The following PRKD1 variants were observed in gnomAD, a reference collection of about 807,000 sequenced individuals.
PRKD1 encodes serine/threonine-protein kinase D1.
In PRKD1, 63 loss-of-function variants were observed where a neutral mutation model predicts 95.9. The ratio of observed to expected loss-of-function variants is 0.66; its 90% CI spans 0.54 to 0.81. PRKD1 has a LOEUF of 0.81. PRKD1 is among the 30% of genes least tolerant of loss of function. PRKD1 has a pLI of 0.00. For missense variants in PRKD1, 1,048 were observed against 1,165.3 expected (o/e 0.90, Z 1.47); for synonymous variants, 425 against 423.1 (o/e 1.00, Z -0.05).
At chr14:29,700,072 T>A (rs1423727121) in intron 2 of PRKD1, among the ~76,000 whole-genome samples, 3 of 147,256 alleles carry the variant, frequency 2.0e-5, no homozygotes, top group Non-Finnish European at 4.5e-5. Flanking sequence ...TTTCCTATAT[T>A]TGCTTAGCTT....
At chr14:29,680,136 CAT>C (rs1883457988) in intron 2 of PRKD1, among the ~76,000 whole-genome samples, 1 of 152,142 alleles carries the variant, frequency 6.6e-6, no homozygotes, top group Admixed American at 6.5e-5. Flanking sequence ...AATGCAATAA[CAT>C]AGTCGGAAGT....
intron 1 of PRKD1, among the ~76,000 whole-genome samples, chr14:29,779,322 A>C (rs1485334701): frequency 1.3e-5 from 2 of 152,186 alleles, no homozygotes; most frequent in Non-Finnish European, 2.9e-5. Context: ...AAGAGTATTC[A>C]ATTAGGAAAA....
At chr14:29,853,344 T>C (rs1409751937) in intron 1 of PRKD1, among the ~76,000 whole-genome samples, 1 of 152,218 alleles carries the variant, frequency 6.6e-6, no homozygotes, top group Admixed American at 6.5e-5. Context: ...CAGAATGTAA[T>C]GACAGCTTTA....
At chr14:29,665,262 T>C (rs1882422410) in intron 3 of PRKD1, among the ~76,000 whole-genome samples, 1 of 152,220 alleles carries the variant, frequency 6.6e-6, no homozygotes, top group African/African-American at 2.4e-5. Context: ...GGTGTACATG[T>C]GGTTTTCAGT....
chr14:29,598,249 C>A, intron 15 of PRKD1, among the ~76,000 whole-genome samples: 1 of 151,216 alleles, frequency 6.6e-6, no homozygotes, highest in African/African-American at 2.4e-5. Context: ...CCACTCCAGC[C>A]TGGGGCAACA....
Position 29,760,418 on chromosome 14 carries a change from C to G in PRKD1, c.265-34744G>C, listed in dbSNP as rs926621118. The stretch of plus-strand genomic sequence containing the variant: ...TTGTGCAGGCTGGAGTGCAGTGGCA[C>G]GATCTGGGCTCACTGCAACCTCCGC... On this transcript the variant is annotated intron_variant, in intron 1 of 17. Transcript: ENST00000331968. Among the ~76,000 whole-genome samples the G allele has an allele frequency of 2.7e-5, 4 of 147,518 alleles. No homozygotes were observed. The Admixed American group carries it at 2.7e-4, about 10-fold the overall frequency.
chr14:29,844,688 T>C (rs1310968274), intron 1 of PRKD1, among the ~76,000 whole-genome samples: 1 of 152,128 alleles, frequency 6.6e-6, no homozygotes, highest in Non-Finnish European at 1.5e-5. Flanking sequence ...TAACAGATGA[T>C]CGATAACCTG....
chr14:29,619,414 T>G (rs1879094919), intron 13 of PRKD1, among the ~76,000 whole-genome samples: 1 of 152,180 alleles, frequency 6.6e-6, no homozygotes, highest in South Asian at 2.1e-4. Context: ...ACAACTTTAA[T>G]TAATTAATTC....
At chr14:29,861,890 T>C (rs912147116) in intron 1 of PRKD1, among the ~76,000 whole-genome samples, 4 of 152,078 alleles carry the variant, frequency 2.6e-5, no homozygotes, top group Non-Finnish European at 5.9e-5. Flanking sequence ...CTAACCTTGT[T>C]ATCCACCCAC....
chr14:29,927,583 G>A lies in PRKD1; in HGVS notation c.-71C>T. ...GGCGCGGCAGCAGGAAAGTTTTGCA[G>A]CCGCTGAGCCAGGAGCTTCTTTCTC... On this transcript the variant is annotated 5_prime_UTR_variant, in exon 1 of 18. Transcript: ENST00000331968. The A allele has an allele frequency of 9.2e-7, 1 of 1,083,802 alleles. No individual in the cohort carries two copies. Among genetic ancestry groups the A allele is most frequent in the Non-Finnish European group, 1.1e-6 (1 of 887,848 alleles). 67.1% of individuals were successfully genotyped at this position (1,083,802 alleles called of 1,614,324 possible). A position where few individuals can be genotyped will look rare whatever the true frequency, so the allele number is the denominator to read the frequency against.
At position 29,618,336 on chromosome 14, in the gene PRKD1, T is replaced by A. The variant is rs1436018849; in HGVS notation, c.1905+5816A>T. Among the ~76,000 whole-genome samples the A allele has an allele frequency of 2.0e-5, 3 of 151,402 alleles. No individual in the cohort carries two copies. The East Asian group carries it at 5.9e-4, about 30-fold the overall frequency. The stretch of plus-strand genomic sequence containing the variant: ...GGTATGATCTCTCCTCACTGCAACC[T>A]CTGCCTCCTGGAGGGTTCAAGTGAC... On this transcript the variant is annotated intron_variant, in intron 13 of 17. Transcript: ENST00000331968.
intron 1 of PRKD1, among the ~76,000 whole-genome samples, chr14:29,826,844 C>CACATATATATATATAT (rs1323754040): frequency 1.4e-4 from 4 of 28,666 alleles, no homozygotes; most frequent in African/African-American, 4.9e-4. Flanking sequence ...TATATACACA[C>CACATATATATATATAT]ATATATATAT....
chr14:29,596,209 G>A (rs573909471), intron 16 of PRKD1, among the ~76,000 whole-genome samples: 38 of 152,102 alleles, frequency 2.5e-4, no homozygotes, highest in Middle Eastern at 3.4e-3. Context: ...TCTCCTAAGC[G>A]GTTTGTACAT....
intron 1 of PRKD1, among the ~76,000 whole-genome samples, chr14:29,925,366 G>A (rs1192026205): frequency 6.6e-6 from 1 of 152,088 alleles, no homozygotes; most frequent in Non-Finnish European, 1.5e-5. Context: ...GTATGATGTC[G>A]CTATGAAAAG....
chr14:29,785,726 G>A (rs1889242962), intron 1 of PRKD1, among the ~76,000 whole-genome samples: 1 of 151,834 alleles, frequency 6.6e-6, no homozygotes, highest in South Asian at 2.1e-4. Flanking sequence ...AATGCTAAAT[G>A]ATGAGTTAAT....
Position 29,820,470 on chromosome 14 carries a change from G to C in PRKD1, c.265-94796C>G, listed in dbSNP as rs74040605. Among the ~76,000 whole-genome samples the C allele has an allele frequency of 4.7e-3, 712 of 152,304 alleles. 5 individuals are homozygous for C. Among genetic ancestry groups the C allele is most frequent in the African/African-American group, 0.016 (685 of 41,558 alleles). The stretch of plus-strand genomic sequence containing the variant: ...TAATTATTCAATAAATATTTACTCC[G>C]TGTCAGAGAAAAGAAACTTAAGGAT... On this transcript the variant is annotated intron_variant, in intron 1 of 17. Coordinates refer to ENST00000331968, the MANE Select transcript of PRKD1 (RefSeq NM_002742.3).
intron 1 of PRKD1, among the ~76,000 whole-genome samples, chr14:29,776,073 C>T (rs36045242): frequency 0.17 from 26,374 of 152,180 alleles, 2,453 homozygotes; most frequent in South Asian, 0.22. Context: ...AACAGACCTG[C>T]AGCTGAGGGT....
At chr14:29,751,858 T>C (rs1052013796) in intron 1 of PRKD1, among the ~76,000 whole-genome samples, 3 of 152,216 alleles carry the variant, frequency 2.0e-5, no homozygotes, top group African/African-American at 4.8e-5. Flanking sequence ...TTTGTTTCTC[T>C]TGCTGCTCTT....
chr14:29,656,325 T>C, intron 4 of PRKD1: 1 of 828,000 alleles, frequency 1.2e-6, no homozygotes, highest in Non-Finnish European at 1.8e-6. Flanking sequence ...CTGAGGGCTT[T>C]CTGTGGGTCA....
Sources: gnomAD v4.1 joint callset for allele counts (sites outside exome capture counted in the v4.1 genomes callset) on GRCh38, gnomAD v4.1.1 for gene constraint, MANE v1.5 for transcripts, NCBI Gene and HGNC (gene_info 2026-07-23, HGNC 2026-07-21) for gene names.